The following MLIP variants were observed in gnomAD, a reference collection of about 807,000 sequenced individuals.
The protein encoded by MLIP is muscular LMNA interacting protein.
MLIP carries 79 observed loss-of-function variants against 84.8 expected under a neutral mutation model. The observed-to-expected ratio is 0.93, with a 90% CI of 0.78 to 1.12. The LOEUF is 1.12. MLIP is among the 50% of genes most tolerant of loss of function. MLIP has a pLI of 0.00. For missense variants in MLIP, 1,257 were observed against 1,160.6 expected (o/e 1.08, Z -1.21); for synonymous variants, 504 against 463.0 (o/e 1.09, Z -1.14).
At chr6:54,176,492 C>A (rs1776299774) in intron 9 of MLIP, among the ~76,000 whole-genome samples, 1 of 151,860 alleles carries the variant, frequency 6.6e-6, no homozygotes, top group Non-Finnish European at 1.5e-5. Flanking sequence ...AGGAATTTAT[C>A]AATTTCCTCT....
intron 1 of MLIP, among the ~76,000 whole-genome samples, chr6:54,036,747 A>G (rs1412722628): frequency 6.6e-6 from 1 of 152,048 alleles, no homozygotes; most frequent in African/African-American, 2.4e-5. Flanking sequence ...ATATATCCAA[A>G]GGAAATGAAA....
chr6:54,252,036 CATATAAT>C (rs1354611917), intron 12 of MLIP, among the ~76,000 whole-genome samples: 45 of 77,188 alleles, frequency 5.8e-4, no homozygotes, highest in African/African-American at 2.1e-3. Context: ...TATATTATAA[CATATAAT>C]ATATAATATA....
At chr6:54,153,247 A>C (rs1773646036) in intron 5 of MLIP, among the ~76,000 whole-genome samples, 1 of 152,184 alleles carries the variant, frequency 6.6e-6, no homozygotes, top group African/African-American at 2.4e-5. Flanking sequence ...ACAACTAATA[A>C]AAACGACGGC....
Position 54,020,139 on chromosome 6 carries a change from G to A in MLIP, c.63+1048G>A, listed in dbSNP as rs976544520. Among the ~76,000 whole-genome samples, 6 of 152,092 alleles carry A rather than the reference G, an allele frequency of 3.9e-5. 1 individual carries two copies. Among genetic ancestry groups the A allele is most frequent in the African/African-American group, 1.4e-4 (6 of 41,426 alleles). Reference sequence around the variant, plus strand: ...TAACCAGGGATTTTGAATCAGAAAGGGCTTGGTGAAAATTCTTGCCCACAA... The same window carrying A: ...TAACCAGGGATTTTGAATCAGAAAGAGCTTGGTGAAAATTCTTGCCCACAA... On this transcript the variant is annotated intron_variant, in intron 1 of 12. Transcript: ENST00000274897.
At chr6:54,105,591 C>A (rs890972829) in intron 1 of MLIP, among the ~76,000 whole-genome samples, 3 of 152,016 alleles carry the variant, frequency 2.0e-5, no homozygotes, top group African/African-American at 7.3e-5. Flanking sequence ...TGAAGGAAAT[C>A]AGGGAAGAAA....
At chr6:54,245,358 G>C (rs575592626) in intron 12 of MLIP, among the ~76,000 whole-genome samples, 1 of 152,086 alleles carries the variant, frequency 6.6e-6, no homozygotes, top group Non-Finnish European at 1.5e-5. Context: ...TAGGGAGAAG[G>C]CTCTAGAGAA....
chr6:54,169,392 T>TA, intron 8 of MLIP, 136 bp from the exon 9 acceptor site: 1 of 437,628 alleles, frequency 2.3e-6, no homozygotes, highest in Non-Finnish European at 4.0e-6. Context: ...AATAATTTTC[T>TA]AAAAAATGAT....
intron 12 of MLIP, among the ~76,000 whole-genome samples, chr6:54,247,995 T>A (rs920452049): frequency 2.6e-5 from 4 of 152,122 alleles, no homozygotes; most frequent in Non-Finnish European, 5.9e-5. Flanking sequence ...ATAGATTTCC[T>A]GCAACTTAGA....
At chr6:54,138,423 C>G (rs1369153376) in intron 4 of MLIP, 137 bp downstream of exon 4, 7 of 919,590 alleles carry the variant, frequency 7.6e-6, no homozygotes, top group Non-Finnish European at 1.1e-5. Context: ...AAGACGGTAC[C>G]AGGACTTGGT....
At chr6:54,226,877 G>A (rs1053913493) in intron 11 of MLIP, among the ~76,000 whole-genome samples, 3 of 152,172 alleles carry the variant, frequency 2.0e-5, no homozygotes, top group African/African-American at 2.4e-5. Context: ...CTAACTCATC[G>A]CAGTTTGTCT....
chr6:54,209,917 A>G (rs1779303492), intron 11 of MLIP, among the ~76,000 whole-genome samples: 1 of 151,324 alleles, frequency 6.6e-6, no homozygotes, highest in Non-Finnish European at 1.5e-5. Flanking sequence ...TTTTTTTTAC[A>G]ATAAGGCTCT....
At chr6:54,126,329 T>C (rs1348654766) in intron 3 of MLIP, among the ~76,000 whole-genome samples, 3 of 152,130 alleles carry the variant, frequency 2.0e-5, no homozygotes, top group Non-Finnish European at 4.4e-5. Context: ...TTTATTTTTA[T>C]TTTTGTGTGT....
intron 11 of MLIP, among the ~76,000 whole-genome samples, chr6:54,228,115 G>C (rs1260279530): frequency 7.1e-6 from 1 of 141,006 alleles, no homozygotes; most frequent in Non-Finnish European, 1.5e-5. Flanking sequence ...CCCCGGAGGC[G>C]GAGCTTGCAG....
At chr6:54,076,412 A>G (rs1466677140) in intron 1 of MLIP, among the ~76,000 whole-genome samples, 1 of 152,226 alleles carries the variant, frequency 6.6e-6, no homozygotes, top group African/African-American at 2.4e-5. Context: ...CTCATTTGGT[A>G]TCTTCACTGC....
chr6:54,260,392 C>G (rs181011612), intron 13 of MLIP, among the ~76,000 whole-genome samples: 1 of 152,072 alleles, frequency 6.6e-6, no homozygotes, highest in Admixed American at 6.6e-5. Flanking sequence ...ACTTCCTTGT[C>G]ATATGACAGA....
chr6:54,256,776 A>C (rs1037422820), intron 12 of MLIP, among the ~76,000 whole-genome samples: 7 of 152,180 alleles, frequency 4.6e-5, no homozygotes, highest in Non-Finnish European at 8.8e-5. Flanking sequence ...TGGTGAGATT[A>C]CAATGTTTAT....
upstream of MLIP, among the ~76,000 whole-genome samples, chr6:54,109,354 A>G (rs1231396850): frequency 2.0e-5 from 3 of 152,126 alleles, no homozygotes; most frequent in Admixed American, 6.5e-5. Context: ...GAAATCTTAC[A>G]TGCTGAATTT....
intron 1 of MLIP, among the ~76,000 whole-genome samples, chr6:54,095,838 T>C (rs1256123232): frequency 1.3e-5 from 2 of 152,150 alleles, no homozygotes; most frequent in Middle Eastern, 3.2e-3. Flanking sequence ...TTTGCTTTCA[T>C]GGTCTCAAGA....
chr6:54,247,745 T>C (rs1440545006), intron 12 of MLIP, among the ~76,000 whole-genome samples: 2 of 152,104 alleles, frequency 1.3e-5, no homozygotes, highest in Non-Finnish European at 2.9e-5. Context: ...TTAGCTCATC[T>C]GCCTGCCAAC....
Sources: allele counts gnomAD v4.1 joint callset (sites outside exome capture counted in the v4.1 genomes callset), GRCh38; gene constraint gnomAD v4.1.1; transcripts MANE v1.5; gene names NCBI Gene and HGNC (gene_info 2026-07-23, HGNC 2026-07-21).